The following ANGPT1 variants were observed in gnomAD, a reference collection of about 807,000 sequenced individuals.
ANGPT1 encodes the protein angiopoietin-1.
A neutral mutation model predicts 62.2 loss-of-function variants in ANGPT1; 17 were observed. That is an observed-to-expected ratio of 0.27 (90% CI 0.19 to 0.41). The LOEUF is 0.41. Among genes scored for constraint, ANGPT1 ranks in the 10% least tolerant of loss-of-function variants. The pLI is 1.00. For missense variants in ANGPT1, 478 were observed against 594.9 expected, an observed-to-expected ratio of 0.80 and a Z score of 2.04; for synonymous variants, 199 against 198.9, an observed-to-expected ratio of 1.00 and a Z score of 0.00.
At chr8:107,475,463 G>A (rs1324802154) in intron 1 of ANGPT1, among the ~76,000 whole-genome samples, 1 of 152,108 alleles carries the variant, frequency 6.6e-6, no homozygotes, top group East Asian at 1.9e-4. Context: ...TTAACCATTA[G>A]ACCTAAAACC....
chr8:107,425,943 G>C (rs1025367638), intron 1 of ANGPT1, among the ~76,000 whole-genome samples: 9 of 152,116 alleles, frequency 5.9e-5, no homozygotes, highest in African/African-American at 2.2e-4. Flanking sequence ...AGGTTTTGTG[G>C]GGCCCCAGGC....
chr8:107,354,992 C>A (rs1211267074), intron 1 of ANGPT1, among the ~76,000 whole-genome samples: 4 of 151,144 alleles, frequency 2.6e-5, no homozygotes, highest in Admixed American at 6.6e-5. Context: ...CTCGCTGCAA[C>A]CTTCGCCTCT....
At chr8:107,491,371 T>C (rs996343154) in intron 1 of ANGPT1, among the ~76,000 whole-genome samples, 4 of 152,208 alleles carry the variant, frequency 2.6e-5, no homozygotes, top group African/African-American at 7.2e-5. Flanking sequence ...TAGGCGGAGA[T>C]AGAATAAATA....
chr8:107,284,666 C>G lies in ANGPT1; in HGVS notation c.1205+16G>C. 1.3e-6 allele frequency: 2 copies of G among 1,552,230 alleles called. No homozygotes were observed. The highest frequency in any genetic ancestry group is 1.7e-6 in the Non-Finnish European group (2 of 1,143,216). ...AGGTAAAAGGTAGTCGAACACTACACTGTAGCATGACTTACCTATAGTTTT... is the reference window on the plus strand; with the variant it reads ...AGGTAAAAGGTAGTCGAACACTACAGTGTAGCATGACTTACCTATAGTTTT... On this transcript the variant is annotated intron_variant, in intron 7 of 8. Transcript: ENST00000517746.
chr8:107,391,536 A>C lies in ANGPT1; in HGVS notation c.298-44439T>G, dbSNP rs537669335. On this transcript the variant is annotated intron_variant, in intron 1 of 8. Transcript: ENST00000517746. ...ACAAAAATTAGCCAGGCGTGGTGGC[A>C]GGTGCCTTTAACCCCAGCTACTTGA... Among the ~76,000 whole-genome samples the C allele has an allele frequency of 1.2e-3, 183 of 152,146 alleles. 1 individual carries two copies. The highest frequency in any genetic ancestry group is 5.4e-3 in the South Asian group (26 of 4,820).
intron 1 of ANGPT1, among the ~76,000 whole-genome samples, chr8:107,474,316 A>G (rs1297961199): frequency 3.9e-5 from 6 of 152,216 alleles, no homozygotes; most frequent in Non-Finnish European, 7.3e-5. Context: ...GCATATAAAC[A>G]GAACCAAAGA....
intron 1 of ANGPT1, among the ~76,000 whole-genome samples, chr8:107,397,598 A>G (rs1816961317): frequency 6.6e-6 from 1 of 152,190 alleles, no homozygotes; most frequent in Non-Finnish European, 1.5e-5. Context: ...TGGAAGCTAT[A>G]TCCAAGTTGG....
intron 7 of ANGPT1, among the ~76,000 whole-genome samples, chr8:107,279,472 C>A (rs1466793065): frequency 6.6e-6 from 1 of 152,046 alleles, no homozygotes; most frequent in East Asian, 1.9e-4. Context: ...AACTGATGAA[C>A]TTCTTTATTT....
chr8:107,418,681 G>A (rs1167177108), intron 1 of ANGPT1, among the ~76,000 whole-genome samples: 2 of 152,268 alleles, frequency 1.3e-5, no homozygotes, highest in Admixed American at 1.3e-4. Flanking sequence ...CAGTTTATTT[G>A]TAAATGACAA....
At chr8:107,323,828 G>A (rs1815213817) in intron 3 of ANGPT1, among the ~76,000 whole-genome samples, 1 of 152,082 alleles carries the variant, frequency 6.6e-6, no homozygotes, top group South Asian at 2.1e-4. Flanking sequence ...GAGCACAGTG[G>A]CGTGATCTTG....
intron 1 of ANGPT1, among the ~76,000 whole-genome samples, chr8:107,440,095 C>T (rs1431034306): frequency 6.6e-6 from 1 of 151,934 alleles, no homozygotes; most frequent in Non-Finnish European, 1.5e-5. Flanking sequence ...TAAAGATGTT[C>T]CATAAACAGA....
At chr8:107,284,124 T>A (rs1814081366) in intron 7 of ANGPT1, 1 of 152,192 alleles carries the variant, frequency 6.6e-6, no homozygotes, top group Non-Finnish European at 1.5e-5. Context: ...TGCAATCATG[T>A]ATTATGTATA....
intron 3 of ANGPT1, among the ~76,000 whole-genome samples, chr8:107,335,844 CTTTA>C (rs5893842): frequency 0.078 from 11,822 of 152,060 alleles, 482 homozygotes; most frequent in East Asian, 0.15. Flanking sequence ...TTTTATGTCA[CTTTA>C]TTTAGTCATA....
intron 1 of ANGPT1, among the ~76,000 whole-genome samples, chr8:107,378,828 G>C (rs1182705125): frequency 6.6e-6 from 1 of 151,986 alleles, no homozygotes; most frequent in Non-Finnish European, 1.5e-5. Flanking sequence ...CCAGCCATGT[G>C]GAAATGTGAG....
chr8:107,412,491 T>A (rs1227495979), intron 1 of ANGPT1, among the ~76,000 whole-genome samples: 1 of 152,096 alleles, frequency 6.6e-6, no homozygotes, highest in Non-Finnish European at 1.5e-5. Context: ...ACAGACTGAT[T>A]CTGATAGTAT....
At position 107,362,374 on chromosome 8, in the gene ANGPT1, T is replaced by A. The variant is rs984185797; in HGVS notation, c.298-15277A>T. 2.0e-5 allele frequency among the ~76,000 whole-genome samples: 3 copies of A among 152,336 alleles called. No homozygotes were observed. The South Asian group carries it at 6.2e-4, about 32-fold the overall frequency. On this transcript the variant is annotated intron_variant, in intron 1 of 8. Coordinates refer to ENST00000517746, the MANE Select transcript of ANGPT1 (RefSeq NM_001146.5). ...ATATACTCAAAGTTTATAAAATACA[T>A]GACACTTTTATTCCATATTCTCATA...
At chr8:107,484,128 A>T (rs1401697056) in intron 1 of ANGPT1, among the ~76,000 whole-genome samples, 1 of 152,182 alleles carries the variant, frequency 6.6e-6, no homozygotes, top group Non-Finnish European at 1.5e-5. Context: ...GCTCCCCACC[A>T]TTCAGAATTT....
chr8:107,431,750 A>C (rs1412594335), intron 1 of ANGPT1, among the ~76,000 whole-genome samples: 1 of 149,984 alleles, frequency 6.7e-6, no homozygotes, highest in Non-Finnish European at 1.5e-5. Flanking sequence ...TTTTTTTATC[A>C]TCAAAGTATC....
chr8:107,256,824 TTTTTG>T (rs1813367142), intron 8 of ANGPT1, among the ~76,000 whole-genome samples: 2 of 152,080 alleles, frequency 1.3e-5, no homozygotes, highest in African/African-American at 4.8e-5. Flanking sequence ...CTCAAATGTT[TTTTTG>T]TTTTGTTTTG....
Sources: gnomAD v4.1 joint callset for allele counts (sites outside exome capture counted in the v4.1 genomes callset) on GRCh38, gnomAD v4.1.1 for gene constraint, MANE v1.5 for transcripts, NCBI Gene and HGNC (gene_info 2026-07-23, HGNC 2026-07-21) for gene names.